TNRC6A: variants seen among roughly 807,000 people sequenced by gnomAD.
The protein encoded by TNRC6A is trinucleotide repeat-containing gene 6A protein.
Under a neutral mutation model 221.2 loss-of-function variants are expected in TNRC6A, and 44 were observed. The observed-to-expected ratio is 0.20, with a 90% CI of 0.16 to 0.26. TNRC6A has a LOEUF of 0.26. TNRC6A is among the 10% of genes least tolerant of loss of function. The pLI is 1.00. For missense variants in TNRC6A, 2,199 were observed against 2,404.4 expected, an observed-to-expected ratio of 0.91 and a Z score of 1.79; for synonymous variants, 847 against 838.5, an observed-to-expected ratio of 1.01 and a Z score of -0.18.
chr16:24,731,346 C>T (rs993210061), intron 2 of TNRC6A, among the ~76,000 whole-genome samples: 1 of 152,088 alleles, frequency 6.6e-6, no homozygotes, highest in African/African-American at 2.4e-5. Context: ...TTTTGCACCG[C>T]GTAGAATTGT....
intron 2 of TNRC6A, among the ~76,000 whole-genome samples, chr16:24,648,399 T>G (rs544309355): frequency 6.6e-6 from 1 of 151,584 alleles, no homozygotes; most frequent in South Asian, 2.1e-4. Flanking sequence ...GCCTCCCAAG[T>G]AGCTAGGACT....
chr16:24,687,884 C>T (rs71375680), intron 2 of TNRC6A, among the ~76,000 whole-genome samples: 1 of 111,972 alleles, frequency 8.9e-6, no homozygotes, highest in Non-Finnish European at 1.7e-5. Flanking sequence ...GAAGAAGAAG[C>T]AGCTTATTCC....
intron 11 of TNRC6A, 95 bp from the exon 12 acceptor site, chr16:24,804,082 C>A: frequency 7.6e-7 from 1 of 1,319,816 alleles, no homozygotes. Flanking sequence ...GAAGTCATTT[C>A]AGTTTGGAAA....
chr16:24,656,781 G>C (rs2054921817), intron 2 of TNRC6A, among the ~76,000 whole-genome samples: 1 of 152,012 alleles, frequency 6.6e-6, no homozygotes, highest in Non-Finnish European at 1.5e-5. Flanking sequence ...TTTCAAAACT[G>C]ATAAGATGTA....
chr16:24,771,940 T>C (rs1458177404), intron 4 of TNRC6A, among the ~76,000 whole-genome samples: 2 of 152,372 alleles, frequency 1.3e-5, no homozygotes, highest in South Asian at 2.1e-4. Context: ...TTACGAAATA[T>C]AGTCACATCC....
At chr16:24,795,871 G>A in intron 8 of TNRC6A, 36 bp from the exon 9 acceptor site, 2 of 1,565,482 alleles carry the variant, frequency 1.3e-6, no homozygotes, top group Non-Finnish European at 1.7e-6. Context: ...CTTCCCACTG[G>A]ACCATGCTGT....
chr16:24,814,900 T>C (rs906313952), intron 18 of TNRC6A, among the ~76,000 whole-genome samples: 4 of 152,178 alleles, frequency 2.6e-5, no homozygotes, highest in African/African-American at 7.2e-5. Context: ...GAAATAAGTT[T>C]GTACTCATAT....
At chr16:24,619,983 A>C (rs1303438490) in intron 1 of TNRC6A, among the ~76,000 whole-genome samples, 2 of 152,116 alleles carry the variant, frequency 1.3e-5, no homozygotes, top group African/African-American at 4.8e-5. Flanking sequence ...CTGTATAAAA[A>C]ATTAAAAACT....
At chr16:24,649,364 A>C (rs1902498961) in intron 2 of TNRC6A, among the ~76,000 whole-genome samples, 1 of 152,054 alleles carries the variant, frequency 6.6e-6, no homozygotes, top group South Asian at 2.1e-4. Context: ...GCTGGAGTGC[A>C]GTGGCACAAT....
chr16:24,722,312 G>T (rs1228390775), intron 2 of TNRC6A, among the ~76,000 whole-genome samples: 1 of 152,150 alleles, frequency 6.6e-6, no homozygotes, highest in Non-Finnish European at 1.5e-5. Flanking sequence ...TACTTGGGAA[G>T]CTGAGACGGG....
chr16:24,691,788 AGAAG>A (rs1420867628), intron 2 of TNRC6A, among the ~76,000 whole-genome samples: 2 of 143,644 alleles, frequency 1.4e-5, no homozygotes, highest in African/African-American at 2.5e-5. Flanking sequence ...AAGAAATAAA[AGAAG>A]GAAGGGAGGG....
chr16:24,756,926 G>T (rs867187959), intron 3 of TNRC6A, among the ~76,000 whole-genome samples: 5 of 152,060 alleles, frequency 3.3e-5, no homozygotes, highest in East Asian at 3.8e-4. Flanking sequence ...ACGTGTAAAA[G>T]AAATTTTCTG....
Position 24,806,583 on chromosome 16 carries a change from C to G in TNRC6A, c.4339C>G (p.Leu1447Val). The G allele has an allele frequency of 6.2e-7, 1 of 1,614,180 alleles. No individual in the cohort carries two copies. The highest frequency in any genetic ancestry group is 8.5e-7 in the Non-Finnish European group (1 of 1,180,036). Residue 1447 changes from leucine (L) to valine (V), a missense_variant, in exon 17 of 25, where the codon CTT becomes GTT. This residue lies in a region of TNRC6A where 449 missense variants were observed against 579.7 expected (regional missense o/e 0.77). Transcript: ENST00000395799. ...ATTTCATTGTTTTAAGGGTCGACCT[C>G]TTAGTGTGCAGCAGCAAATGATGCA... ...RPQQDQQGRP[L>V]SVQQQMMQQS...
chr16:24,777,478 A>G, intron 5 of TNRC6A, 120 bp downstream of exon 5: 2 of 951,538 alleles, frequency 2.1e-6, no homozygotes, highest in East Asian at 4.9e-5. Context: ...GCTTTAATGT[A>G]AGAGTTCTTT....
upstream of TNRC6A, among the ~76,000 whole-genome samples, chr16:24,727,815 A>G (rs2056517396): frequency 6.6e-6 from 1 of 152,328 alleles, no homozygotes; most frequent in South Asian, 2.1e-4. Flanking sequence ...AGGATTATGA[A>G]AGAAAAACAA....
chr16:24,644,070 T>G (rs1902139985), intron 2 of TNRC6A, among the ~76,000 whole-genome samples: 1 of 144,846 alleles, frequency 6.9e-6, no homozygotes, highest in South Asian at 2.1e-4. Flanking sequence ...TTGTTTTGTT[T>G]CTTATCTTTA....
chr16:24,709,518 GA>G (rs2056163000), intron 2 of TNRC6A, among the ~76,000 whole-genome samples: 1 of 151,986 alleles, frequency 6.6e-6, no homozygotes, highest in African/African-American at 2.4e-5. Context: ...GCTAAGTGAG[GA>G]AAAATAAATA....
At chr16:24,735,930 C>T (rs2056757016) in intron 2 of TNRC6A, among the ~76,000 whole-genome samples, 1 of 152,004 alleles carries the variant, frequency 6.6e-6, no homozygotes, top group South Asian at 2.1e-4. Context: ...TTTGGGAGGC[C>T]GAGGTGGGCA....
chr16:24,720,047 A>G (rs1421831528), intron 2 of TNRC6A, among the ~76,000 whole-genome samples: 1 of 152,186 alleles, frequency 6.6e-6, no homozygotes, highest in Non-Finnish European at 1.5e-5. Flanking sequence ...TGCCTGAGGC[A>G]TGGTAGGCAA....
Sources: gnomAD v4.1 joint callset for allele counts (sites outside exome capture counted in the v4.1 genomes callset) on GRCh38, gnomAD v4.1.1 for gene constraint, gnomAD v4.1.1 regional missense constraint, MANE v1.5 for transcripts, NCBI Gene and HGNC (gene_info 2026-07-23, HGNC 2026-07-21) for gene names.